SMG6: variants seen among roughly 807,000 people sequenced by gnomAD.
The protein encoded by SMG6 is SMG6 nonsense mediated mRNA decay factor.
SMG6 carries 66 observed loss-of-function variants against 142.2 expected under a neutral mutation model. The observed-to-expected ratio is 0.46, with a 90% CI of 0.38 to 0.57. The LOEUF is 0.57. Ranked by LOEUF, SMG6 falls within the 20% of genes least tolerant of loss-of-function variation. The probability of loss-of-function intolerance (pLI) is 0.00; values close to 1 mark genes in which losing one functional copy is unlikely to be tolerated. For missense variants in SMG6, 1,793 were observed against 1,832.0 expected (o/e 0.98, Z 0.39); for synonymous variants, 779 against 702.4 (o/e 1.11, Z -1.72).
chr17:2,206,396 A>AC (rs1297020395), intron 10 of SMG6, among the ~76,000 whole-genome samples: 2 of 151,698 alleles, frequency 1.3e-5, no homozygotes, highest in South Asian at 2.1e-4. Context: ...ACATAGTGAG[A>AC]CCCCATCTCT....
At chr17:2,119,341 G>A (rs1264956383) in intron 13 of SMG6, among the ~76,000 whole-genome samples, 1 of 152,020 alleles carries the variant, frequency 6.6e-6, no homozygotes, top group East Asian at 1.9e-4. Context: ...ACAAGCATGA[G>A]CCACTGCGCC....
intron 13 of SMG6, among the ~76,000 whole-genome samples, chr17:2,102,456 A>C (rs978521795): frequency 3.3e-5 from 5 of 151,736 alleles, no homozygotes; most frequent in African/African-American, 1.2e-4. Context: ...TCCCAGGCTC[A>C]AGTGATCTTC....
rs186180168 is a variant in SMG6, at chr17:2,213,169, A to G, written c.2869+23323T>C. 7.2e-5 allele frequency among the ~76,000 whole-genome samples: 11 copies of G among 152,344 alleles called. No individual in the cohort carries two copies. The East Asian group carries it at 2.1e-3, about 29-fold the overall frequency. On this transcript the variant is annotated intron_variant, in intron 10 of 18. Coordinates refer to ENST00000263073, the MANE Select transcript of SMG6 (RefSeq NM_017575.5). ...CTTTTTTCTTCTCTGGGTCAGTATT[A>G]TAAAACTCTACCTCAGAAGAATCTT... is the stretch of plus-strand genomic sequence containing the variant.
intron 9 of SMG6, among the ~76,000 whole-genome samples, chr17:2,242,689 TAAAAAAAAAAAA>T (rs57079220): frequency 4.5e-4 from 25 of 55,852 alleles, no homozygotes; most frequent in African/African-American, 1.3e-3. Context: ...TCCATCTCTT[TAAAAAAAAAAAA>T]AAAAAAAAAA....
In SMG6 at chr17:2,173,751, T is replaced by TA. The variant is rs201289625; in HGVS notation, c.3156-893dup. 5.6e-3 allele frequency among the ~76,000 whole-genome samples: 815 copies of TA among 145,422 alleles called. 5 individuals carry two copies. The highest frequency in any genetic ancestry group is 6.8e-3 in the Non-Finnish European group (452 of 66,568). On this transcript the variant is annotated intron_variant, in intron 12 of 18. Transcript: ENST00000263073. ...TAATTGAAATTTCAGCATAGAATTA[T>TA]AAAAAAAGAGGTTCATTTCTCTGTC...
chr17:2,129,985 C>T (rs924683146), intron 13 of SMG6, among the ~76,000 whole-genome samples: 14 of 151,552 alleles, frequency 9.2e-5, no homozygotes, highest in Admixed American at 1.3e-4. Context: ...AGGCTGGGGG[C>T]GAGGTGGCTC....
chr17:2,080,601 C>T (rs1158541216), intron 15 of SMG6, among the ~76,000 whole-genome samples: 2 of 152,030 alleles, frequency 1.3e-5, no homozygotes. Flanking sequence ...CTCACAGTGA[C>T]TCTGAGAGAT....
At chr17:2,069,112 A>G (rs57548838) in intron 15 of SMG6, among the ~76,000 whole-genome samples, 181 bp from the exon 16 acceptor site, 4,701 of 152,250 alleles carry the variant, frequency 0.031, 190 homozygotes, top group African/African-American at 0.096. Flanking sequence ...GCACTGCAAT[A>G]AAAACAGAGC....
At chr17:2,125,952 C>CAAA (rs562438656) in intron 13 of SMG6, among the ~76,000 whole-genome samples, 7,105 of 104,836 alleles carry the variant, frequency 0.068, 411 homozygotes, top group Non-Finnish European at 0.098. Context: ...GAACCCATCT[C>CAAA]AAAAAAAAAA....
At chr17:2,126,715 CAAAAAAAA>C (rs532997926) in intron 13 of SMG6, among the ~76,000 whole-genome samples, 2,177 of 66,124 alleles carry the variant, frequency 0.033, 51 homozygotes, top group South Asian at 0.11. Context: ...GGCTCAGTTT[CAAAAAAAA>C]AAAAAAAAAA....
chr17:2,089,916 G>C (rs1319254450), intron 13 of SMG6: 1 of 152,282 alleles, frequency 6.6e-6, no homozygotes, highest in Non-Finnish European at 1.5e-5. Flanking sequence ...GGGCACGGTA[G>C]CTCACGAATG....
At chr17:2,265,538 C>T (rs1376335193) in intron 8 of SMG6, among the ~76,000 whole-genome samples, 1 of 151,544 alleles carries the variant, frequency 6.6e-6, no homozygotes, top group African/African-American at 2.4e-5. Flanking sequence ...GCTTAAAAGG[C>T]GATAACATTC....
intron 13 of SMG6, among the ~76,000 whole-genome samples, chr17:2,097,403 T>C (rs1353469449): frequency 1.3e-5 from 2 of 152,162 alleles, no homozygotes; most frequent in East Asian, 3.9e-4. Flanking sequence ...CCCAAAGTGC[T>C]GGGATGATAG....
intron 12 of SMG6, among the ~76,000 whole-genome samples, chr17:2,180,878 G>T (rs2071784907): frequency 6.6e-6 from 1 of 152,148 alleles, no homozygotes; most frequent in Non-Finnish European, 1.5e-5. Flanking sequence ...TAGGATCAGA[G>T]AAATGTATCT....
intron 13 of SMG6, among the ~76,000 whole-genome samples, chr17:2,092,210 G>A (rs944809564): frequency 7.9e-5 from 12 of 152,036 alleles, no homozygotes; most frequent in South Asian, 2.1e-4. Flanking sequence ...GGTCTCGAAC[G>A]CCTGACCTCA....
intron 13 of SMG6, chr17:2,101,170 C>G (rs2068996794): frequency 6.6e-6 from 1 of 152,254 alleles, no homozygotes; most frequent in South Asian, 2.1e-4. Context: ...GATCAAAGCT[C>G]ACTGCAACCT....
chr17:2,286,894 T>C (rs1232718120), intron 6 of SMG6, among the ~76,000 whole-genome samples: 3 of 150,092 alleles, frequency 2.0e-5, no homozygotes, highest in East Asian at 3.9e-4. Flanking sequence ...AAAGAACTCA[T>C]ACATCTTGAC....
At chr17:2,280,550 A>G in intron 8 of SMG6, 4 of 980,330 alleles carry the variant, frequency 4.1e-6, no homozygotes, top group Non-Finnish European at 4.8e-6. Context: ...GGCGTAAGCC[A>G]CCGCGTCAGG....
intron 8 of SMG6, among the ~76,000 whole-genome samples, chr17:2,260,787 G>T (rs1350792953): frequency 6.6e-6 from 1 of 152,020 alleles, no homozygotes; most frequent in African/African-American, 2.4e-5. Flanking sequence ...CTGAGGTCAG[G>T]AGTTTGAGAC....
Sources: gnomAD v4.1 joint callset for allele counts (sites outside exome capture counted in the v4.1 genomes callset) on GRCh38, gnomAD v4.1.1 for gene constraint, MANE v1.5 for transcripts, NCBI Gene and HGNC (gene_info 2026-07-23, HGNC 2026-07-21) for gene names.